The following ESRRG variants were observed in gnomAD, a reference collection of about 807,000 sequenced individuals.
ESRRG encodes the protein estrogen related receptor gamma.
Under a neutral mutation model 44.0 loss-of-function variants are expected in ESRRG, and 13 were observed. The observed-to-expected ratio is 0.30, with a 90% confidence interval of 0.19 to 0.47. The LOEUF (loss-of-function observed/expected upper bound fraction) is 0.47. ESRRG is among the 20% of genes least tolerant of loss of function. The pLI is 1.00. For synonymous variants in ESRRG, 215 were observed against 214.6 expected (o/e 1.00, Z -0.02); for missense variants, 395 against 580.6 (o/e 0.68, Z 3.29).
intron 2 of ESRRG, among the ~76,000 whole-genome samples, chr1:216,741,148 G>C (rs1282340014): frequency 6.7e-6 from 1 of 149,322 alleles, no homozygotes; most frequent in Non-Finnish European, 1.5e-5. Flanking sequence ...TGTCTAAACA[G>C]AGGATTGAAA....
intron 1 of ESRRG, among the ~76,000 whole-genome samples, chr1:216,957,944 C>T (rs370367051): frequency 1.3e-5 from 2 of 152,160 alleles, no homozygotes; most frequent in African/African-American, 4.8e-5. Context: ...TCCACTCAAT[C>T]GCCTCCCAGA....
intron 2 of ESRRG, among the ~76,000 whole-genome samples, chr1:216,849,649 A>G (rs1365290008): frequency 6.6e-6 from 1 of 152,110 alleles, no homozygotes; most frequent in Non-Finnish European, 1.5e-5. Flanking sequence ...AATCTGCTTG[A>G]AAAACTTTCC....
At chr1:217,130,359 A>T (rs541876858) in intron 1 of ESRRG, among the ~76,000 whole-genome samples, 2 of 152,256 alleles carry the variant, frequency 1.3e-5, no homozygotes, top group East Asian at 3.9e-4. Flanking sequence ...CAGCCTCCTG[A>T]GTAGCTCGGA....
chr1:216,958,977 A>G (rs2068502467), intron 1 of ESRRG, among the ~76,000 whole-genome samples: 1 of 151,850 alleles, frequency 6.6e-6, no homozygotes, highest in African/African-American at 2.4e-5. Flanking sequence ...ATCCAGTTTT[A>G]TTTTTCCCGT....
intron 3 of ESRRG, among the ~76,000 whole-genome samples, chr1:216,644,427 C>CTTTTTTTTTTT (rs71161439): frequency 7.8e-6 from 1 of 128,494 alleles, no homozygotes; most frequent in Non-Finnish European, 1.6e-5. Context: ...TTCTTTCTTT[C>CTTTTTTTTTTT]TTTTTTTTTT....
At chr1:216,756,229 AC>A (rs1387421795) in intron 2 of ESRRG, among the ~76,000 whole-genome samples, 2 of 151,902 alleles carry the variant, frequency 1.3e-5, no homozygotes, top group Admixed American at 1.3e-4. Flanking sequence ...TCTCATCAAA[AC>A]CAAACTACTG....
chr1:216,952,030 C>G (rs1257784329), intron 1 of ESRRG, among the ~76,000 whole-genome samples: 4 of 152,020 alleles, frequency 2.6e-5, no homozygotes, highest in Admixed American at 6.6e-5. Context: ...TGCATCCAAA[C>G]AATCTAAATA....
At chr1:217,093,055 C>T (rs189248762), upstream of ESRRG, among the ~76,000 whole-genome samples, 1 of 152,218 alleles carries the variant, frequency 6.6e-6, no homozygotes, top group East Asian at 1.9e-4. Context: ...ATTATTATGA[C>T]TTTATAGCTC....
chr1:216,746,314 C>A (rs752568480), intron 2 of ESRRG, among the ~76,000 whole-genome samples: 4 of 151,992 alleles, frequency 2.6e-5, no homozygotes, highest in Non-Finnish European at 5.9e-5. Flanking sequence ...TAGATGGAAG[C>A]AATGTATAAT....
chr1:217,041,452 T>C (rs1421625098), intron 1 of ESRRG, among the ~76,000 whole-genome samples: 2 of 152,140 alleles, frequency 1.3e-5, no homozygotes, highest in African/African-American at 4.8e-5. Flanking sequence ...CATCCACAAA[T>C]AATACTACAT....
intron 3 of ESRRG, among the ~76,000 whole-genome samples, chr1:216,638,086 T>C (rs2065664798): frequency 6.6e-6 from 1 of 152,146 alleles, no homozygotes; most frequent in Admixed American, 6.5e-5. Flanking sequence ...AAGACTAAAA[T>C]ACAAACAGTT....
chr1:217,085,971 A>G (rs2092063825), intron 1 of ESRRG, among the ~76,000 whole-genome samples: 2 of 152,200 alleles, frequency 1.3e-5, no homozygotes, highest in South Asian at 4.1e-4. Flanking sequence ...TCACAGCTTT[A>G]ACAAACTGAC....
intron 2 of ESRRG, among the ~76,000 whole-genome samples, chr1:216,814,083 C>T (rs2095058329): frequency 6.6e-6 from 1 of 151,536 alleles, no homozygotes; most frequent in Non-Finnish European, 1.5e-5. Flanking sequence ...GAAAGTAGTG[C>T]TAATGTGCCC....
At chr1:217,100,146 A>G (rs994063606) in intron 1 of ESRRG, among the ~76,000 whole-genome samples, 7 of 152,238 alleles carry the variant, frequency 4.6e-5, no homozygotes, top group Non-Finnish European at 1.0e-4. Flanking sequence ...TGCTCTAGAC[A>G]TTCTGGGAAT....
chr1:216,521,088 G>T (rs139343130), intron 5 of ESRRG, among the ~76,000 whole-genome samples: 1 of 152,024 alleles, frequency 6.6e-6, no homozygotes, highest in Non-Finnish European at 1.5e-5. Flanking sequence ...CATTTCTTTC[G>T]TTGTTTATCA....
At chr1:216,758,437 C>G (rs953278465) in intron 2 of ESRRG, among the ~76,000 whole-genome samples, 4 of 152,066 alleles carry the variant, frequency 2.6e-5, no homozygotes, top group African/African-American at 9.7e-5. Flanking sequence ...GTCTCTTAAT[C>G]TATTGCAAGT....
intron 2 of ESRRG, among the ~76,000 whole-genome samples, chr1:216,779,225 T>TA (rs1217784877): frequency 4.7e-5 from 1 of 21,158 alleles, no homozygotes; most frequent in Middle Eastern, 0.023. Flanking sequence ...ATATTTATAT[T>TA]TATAAATATA....
intron 1 of ESRRG, among the ~76,000 whole-genome samples, chr1:217,042,669 T>A (rs12131982): frequency 6.6e-6 from 1 of 151,998 alleles, no homozygotes; most frequent in Non-Finnish European, 1.5e-5. Flanking sequence ...ACAAGGAACT[T>A]TGAAGATGTT....
At chr1:216,646,400 A>G (rs2067598012) in intron 3 of ESRRG, among the ~76,000 whole-genome samples, 1 of 152,110 alleles carries the variant, frequency 6.6e-6, no homozygotes, top group African/African-American at 2.4e-5. Flanking sequence ...ATCTACATTA[A>G]ATCTCTTGGT....
Sources: gnomAD v4.1 joint callset for allele counts (sites outside exome capture counted in the v4.1 genomes callset) on GRCh38, gnomAD v4.1.1 for gene constraint, MANE v1.5 for transcripts, NCBI Gene and HGNC (gene_info 2026-07-23, HGNC 2026-07-21) for gene names.